DGKB: variants seen among roughly 807,000 people sequenced by gnomAD.
DGKB encodes the protein 90 kDa diacylglycerol kinase.
In DGKB, 67 loss-of-function variants were observed where a neutral mutation model predicts 114.3. The ratio of observed to expected loss-of-function variants is 0.59; its 90% confidence interval spans 0.48 to 0.72. DGKB has a LOEUF of 0.72. Ranked by LOEUF, DGKB falls within the 30% of genes least tolerant of loss-of-function variation. The pLI is 0.00. For synonymous variants in DGKB, 398 were observed against 323.1 expected (o/e 1.23, Z -2.49); for missense variants, 907 against 975.2 (o/e 0.93, Z 0.93).
chr7:14,885,244 T>C (rs576306822), intron 1 of DGKB, among the ~76,000 whole-genome samples: 15 of 151,432 alleles, frequency 9.9e-5, no homozygotes, highest in African/African-American at 2.9e-4. Context: ...TTCTCAAATA[T>C]TGTATAACTA....
At chr7:14,968,201 TA>T (rs71549907) in intron 1 of DGKB, among the ~76,000 whole-genome samples, 406 of 147,862 alleles carry the variant, frequency 2.7e-3, no homozygotes, top group Admixed American at 7.6e-3. Context: ...ATGGAGATTA[TA>T]AAAAAAAAAG....
chr7:14,157,012 T>C (rs541803634), intron 25 of DGKB, among the ~76,000 whole-genome samples: 1 of 152,282 alleles, frequency 6.6e-6, no homozygotes, highest in South Asian at 2.1e-4. Flanking sequence ...TAGCATTTTT[T>C]CCTATTAAAT....
intron 1 of DGKB, among the ~76,000 whole-genome samples, chr7:14,935,071 A>C (rs558771168): frequency 1.3e-5 from 2 of 152,280 alleles, no homozygotes; most frequent in African/African-American, 4.8e-5. Flanking sequence ...CTTTCTGAGA[A>C]TATCAGCTGA....
chr7:14,793,880 A>T (rs1841038507), intron 2 of DGKB, among the ~76,000 whole-genome samples: 1 of 152,128 alleles, frequency 6.6e-6, no homozygotes, highest in Admixed American at 6.6e-5. Flanking sequence ...GTAAGTGAGC[A>T]TTACCCAATC....
Position 14,149,257 on chromosome 7 carries a change from A to G in DGKB, c.2305-19T>C, listed in dbSNP as rs746144325. ...TTTTTATCTAGAAAAAAAGAGAGAG[A>G]GAGAGAGAGAAAGAATAGAGTAATC... On this transcript the variant is annotated intron_variant, in intron 25 of 25. Transcript: ENST00000402815. The G allele has an allele frequency of 6.4e-7, 1 of 1,568,666 alleles. No individual in the cohort carries two copies. The highest frequency in any genetic ancestry group is 1.7e-5 in the Admixed American group (1 of 59,320).
chr7:14,375,254 G>C (rs929043176), intron 21 of DGKB, among the ~76,000 whole-genome samples: 1 of 152,216 alleles, frequency 6.6e-6, no homozygotes, highest in Non-Finnish European at 1.5e-5. Context: ...TCCAGGCAGT[G>C]TAACAGTTTT....
At chr7:14,673,852 G>C (rs1056018424) in intron 12 of DGKB, among the ~76,000 whole-genome samples, 5 of 151,872 alleles carry the variant, frequency 3.3e-5, no homozygotes, top group African/African-American at 1.2e-4. Context: ...GCATTAATTT[G>C]ATATGAACTC....
intron 1 of DGKB, among the ~76,000 whole-genome samples, chr7:14,917,768 T>C (rs1784311074): frequency 1.3e-5 from 2 of 152,040 alleles, no homozygotes; most frequent in African/African-American, 4.8e-5. Flanking sequence ...CAACTCATTC[T>C]ATGAAGCTAG....
intron 20 of DGKB, among the ~76,000 whole-genome samples, chr7:14,520,567 G>T (rs551018413): frequency 4.7e-5 from 7 of 150,478 alleles, no homozygotes; most frequent in Admixed American, 1.3e-4. Flanking sequence ...CTTCTTTGTG[G>T]TTTTTTTTGA....
intron 13 of DGKB, among the ~76,000 whole-genome samples, chr7:14,645,929 C>A (rs537064333): frequency 6.6e-6 from 1 of 152,022 alleles, no homozygotes; most frequent in South Asian, 2.1e-4. Flanking sequence ...AGAAAACAAG[C>A]AAACTGCAAA....
chr7:14,332,997 T>A (rs987479510), intron 23 of DGKB, among the ~76,000 whole-genome samples: 8 of 152,182 alleles, frequency 5.3e-5, no homozygotes, highest in Non-Finnish European at 1.5e-5. Context: ...ACTCCATAAT[T>A]TGAATATAAT....
intron 2 of DGKB, among the ~76,000 whole-genome samples, chr7:14,811,823 T>C (rs959723308): frequency 3.3e-5 from 5 of 152,150 alleles, no homozygotes; most frequent in African/African-American, 1.2e-4. Context: ...CAACCATTTT[T>C]AAGGGTACAG....
chr7:14,392,368 T>C (rs75110122), intron 21 of DGKB, among the ~76,000 whole-genome samples: 4,304 of 152,274 alleles, frequency 0.028, 219 homozygotes, highest in African/African-American at 0.098. Context: ...AGAATCTAGT[T>C]GTTTATTTTG....
chr7:14,734,489 T>A (rs1240067103), intron 5 of DGKB, among the ~76,000 whole-genome samples: 1 of 152,198 alleles, frequency 6.6e-6, no homozygotes, highest in Admixed American at 6.5e-5. Context: ...TTGCTTTTCT[T>A]ACTCTTATTC....
intron 13 of DGKB, among the ~76,000 whole-genome samples, chr7:14,636,815 C>A (rs939091443): frequency 2.0e-5 from 3 of 151,772 alleles, no homozygotes; most frequent in Non-Finnish European, 3.0e-5. Context: ...TTCGAAAAGC[C>A]CAGATTTGTG....
In DGKB at chr7:14,694,135, C is replaced by T; in HGVS notation, c.651G>A (p.Glu217=). 6.3e-7 allele frequency: 1 copy of T among 1,592,046 alleles called. No homozygotes were observed. The highest frequency in any genetic ancestry group is 8.6e-7 in the Non-Finnish European group (1 of 1,167,796). The change falls in exon 9 of 26, where the codon GAG becomes GAA. Residue 217 remains glutamate (E), a synonymous_variant. Transcript: ENST00000402815. ...TTGTCATTCCTCCTTGAATCCATTCCTCCAGAGACACGGTTCCATCATGAT... is the reference window on the plus strand; with the variant it reads ...TTGTCATTCCTCCTTGAATCCATTCTTCCAGAGACACGGTTCCATCATGAT... ...DYDHDGTVSL[E]EWIQGGMTTI... is the part of the protein sequence containing the mutation.
chr7:14,163,461 G>GTCTT (rs1784196968), intron 25 of DGKB, among the ~76,000 whole-genome samples: 1 of 152,176 alleles, frequency 6.6e-6, no homozygotes, highest in Non-Finnish European at 1.5e-5. Context: ...TGATGTGCCA[G>GTCTT]TCTTTGGAAA....
intron 21 of DGKB, among the ~76,000 whole-genome samples, chr7:14,389,050 AT>A (rs147819309): frequency 1.3e-5 from 2 of 152,034 alleles, no homozygotes; most frequent in Admixed American, 6.5e-5. Context: ...ATTACAAATC[AT>A]TTTTTTGCTG....
At chr7:14,233,122 G>GGGGA (rs1323197562) in intron 23 of DGKB, among the ~76,000 whole-genome samples, 3 of 152,010 alleles carry the variant, frequency 2.0e-5, no homozygotes, top group Non-Finnish European at 4.4e-5. Context: ...GGAAGACAGA[G>GGGGA]GGGAACACAC....
Sources: allele counts gnomAD v4.1 joint callset (sites outside exome capture counted in the v4.1 genomes callset), GRCh38; gene constraint gnomAD v4.1.1; transcripts MANE v1.5; gene names NCBI Gene and HGNC (gene_info 2026-07-23, HGNC 2026-07-21).